Variants in LAMA5 observed in about 807,000 individuals in gnomAD.
The protein encoded by LAMA5 is laminin subunit alpha-5.
Under a neutral mutation model 433.4 loss-of-function variants are expected in LAMA5, and 260 were observed. The observed-to-expected ratio is 0.60, with a 90% confidence interval of 0.54 to 0.66. The LOEUF is 0.66. LAMA5 is among the 30% of genes least tolerant of loss of function. LAMA5 has a pLI of 0.00. For synonymous variants in LAMA5, 2,620 were observed against 2,226.6 expected (o/e 1.18, Z -4.97); for missense variants, 5,378 against 5,258.5 (o/e 1.02, Z -0.70).
chr20:62,362,209 A>C (rs1357623177), intron 2 of LAMA5, among the ~76,000 whole-genome samples, 191 bp downstream of exon 2: 1 of 152,178 alleles, frequency 6.6e-6, no homozygotes, highest in Non-Finnish European at 1.5e-5. Context: ...TGAAAGCACA[A>C]ACAAAAGGTG....
chr20:62,314,387 C>A lies in LAMA5; in HGVS notation c.8421G>T (p.Val2807=), dbSNP rs748950722. The A allele has an allele frequency of 6.2e-7, 1 of 1,613,468 alleles. No individual in the cohort carries two copies. The highest frequency in any genetic ancestry group is 8.5e-7 in the Non-Finnish European group (1 of 1,179,950). The part of the protein sequence containing the change: ...VSLRDKKVHW[V]YQLGEAGPAV... Reference sequence around the variant, plus strand: ...CAGGGCCCGCCTCACCCAGCTGATACACCCAGTGCACCTTCTTGTCACGCA... The same window carrying A: ...CAGGGCCCGCCTCACCCAGCTGATAAACCCAGTGCACCTTCTTGTCACGCA... Residue 2807 remains valine, a synonymous_variant, in exon 62 of 80, where the codon GTG becomes GTT. Transcript: ENST00000252999.
Position 62,322,279 on chromosome 20 carries a change from C to T in LAMA5, c.6336G>A (p.Gln2112=). The T allele has an allele frequency of 1.3e-6, 2 of 1,597,416 alleles. No homozygotes were observed. Among genetic ancestry groups the T allele is most frequent in the East Asian group, 2.3e-5 (1 of 44,288 alleles). The change falls in exon 47 of 80, where the codon CAG becomes CAA. Residue 2112 remains glutamine (Q), a synonymous_variant. Transcript: ENST00000252999. ...CAPGYWGLPE[Q]GCRRCQCPGG... is the part of the protein sequence containing the mutation. ...CCGGCCAGCACTCACGCCTGCAGCC[C>T]TGCTCAGGGAGCCCCCAGTAGCCAG...
At chr20:62,344,012 C>T (rs936654927) in intron 11 of LAMA5, among the ~76,000 whole-genome samples, 3 of 151,594 alleles carry the variant, frequency 2.0e-5, no homozygotes, top group African/African-American at 7.3e-5. Flanking sequence ...GGCTTAGTGG[C>T]GGATGCCTGT....
intron 16 of LAMA5, 178 bp from the exon 17 acceptor site, chr20:62,336,964 C>A: frequency 1.4e-6 from 1 of 705,914 alleles, no homozygotes. Flanking sequence ...CAGCAACGGA[C>A]GTGCCATCCC....
intron 38 of LAMA5, 121 bp downstream of exon 38, chr20:62,327,112 C>A (rs1979433596): frequency 8.7e-7 from 1 of 1,144,040 alleles, no homozygotes; most frequent in East Asian, 2.6e-5. Flanking sequence ...AGGGCCTGGG[C>A]ACCCTCACGG....
chr20:62,366,670 C>T (rs1239523258), intron 1 of LAMA5, among the ~76,000 whole-genome samples: 1 of 152,358 alleles, frequency 6.6e-6, no homozygotes. Context: ...CTGGGCCCGG[C>T]CCCCCTCCCG....
At position 62,310,083 on chromosome 20, in the gene LAMA5, TGGCGGGGTA is replaced by T; in HGVS notation, c.10735-11_10735-3del. ...TCCGTCATCCGCCCGCAGCAGGACC[TGGCGGGGTA>T]GGAAGGGAGGGTCAGGCTATGCCCC... On this transcript the variant is annotated splice_polypyrimidine_tract_variant and splice_region_variant and intron_variant, in intron 77 of 79. Transcript: ENST00000252999. 2 of 1,611,268 alleles carry T rather than the reference TGGCGGGGTA, an allele frequency of 1.2e-6. No homozygotes were observed. Among genetic ancestry groups the T allele is most frequent in the Non-Finnish European group, 1.7e-6 (2 of 1,179,752 alleles).
chr20:62,309,859 G>A (rs1297034913), intron 78 of LAMA5, 24 bp from the exon 79 acceptor site: 1 of 1,610,404 alleles, frequency 6.2e-7, no homozygotes, highest in Non-Finnish European at 8.5e-7. Flanking sequence ...GGACTCCTGA[G>A]GCCAGGTGGT....
chr20:62,337,228 T>C (rs1007939216), intron 16 of LAMA5, among the ~76,000 whole-genome samples: 4 of 151,764 alleles, frequency 2.6e-5, no homozygotes, highest in Non-Finnish European at 4.4e-5. Context: ...CGCGCCCACA[T>C]GCGACACGCA....
chr20:62,310,057 C>T lies in LAMA5; in HGVS notation c.10759G>A (p.Ala3587Thr). 6.2e-7 allele frequency: 1 copy of T among 1,611,378 alleles called. No individual in the cohort carries two copies. Among genetic ancestry groups the T allele is most frequent in the Non-Finnish European group, 8.5e-7 (1 of 1,179,750 alleles). The change falls in exon 78 of 80, where the codon GCA becomes ACA. Residue 3587 changes from alanine to threonine, a missense_variant. Transcript: ENST00000252999. ...GTCACTGACGTGGAGAACTCCCCTG[C>T]TCCGTCATCCGCCCGCAGCAGGACC... ...KQVLLRADDG[A>T]GEFSTSVTRP...
intron 11 of LAMA5, among the ~76,000 whole-genome samples, chr20:62,340,999 A>G (rs890733274): frequency 1.1e-4 from 16 of 152,010 alleles, no homozygotes; most frequent in African/African-American, 3.6e-4. Flanking sequence ...AGATCGTGCA[A>G]CTGGACGCCA....
In LAMA5 at chr20:62,334,171, G is replaced by A. The variant is rs776530155; in HGVS notation, c.2739+15C>T. 15 of 1,608,272 alleles carry A rather than the reference G, an allele frequency of 9.3e-6. No homozygotes were observed. The South Asian group carries it at 1.4e-4, about 15-fold the overall frequency. Reference sequence around the variant, plus strand: ...ACTTCTAGGCTGAGCCTGGGAGGGGGAGCACAGCGCCCACCTGGACAGGTG... The same window carrying A: ...ACTTCTAGGCTGAGCCTGGGAGGGGAAGCACAGCGCCCACCTGGACAGGTG... On this transcript the variant is annotated intron_variant, in intron 22 of 79. Transcript: ENST00000252999.
At chr20:62,348,504 G>A (rs1364297406) in intron 6 of LAMA5, among the ~76,000 whole-genome samples, 2 of 152,174 alleles carry the variant, frequency 1.3e-5, no homozygotes, top group East Asian at 1.9e-4. Context: ...CTACTCAGGA[G>A]GATGAGGCAG....
In LAMA5 at chr20:62,346,715, G is replaced by A. The variant is rs892697630; in HGVS notation, c.1158C>T (p.Thr386=). The change falls in exon 8 of 80, where the codon ACC becomes ACT. Residue 386 remains threonine (T), a synonymous_variant. Coordinates refer to ENST00000252999, the MANE Select transcript of LAMA5 (RefSeq NM_005560.6). ...CGATACAGACACCCCCACCCTGATAGGTGCCATCCAGGCTCTGGCTGGCGC... is the reference window on the plus strand; with the variant it reads ...CGATACAGACACCCCCACCCTGATAAGTGCCATCCAGGCTCTGGCTGGCGC... ...RRRASQSLDG[T]YQGGGVCIDC... The A allele has an allele frequency of 6.2e-7, 1 of 1,613,314 alleles. No homozygotes were observed. The highest frequency in any genetic ancestry group is 8.5e-7 in the Non-Finnish European group (1 of 1,179,902).
chr20:62,331,653 C>G (rs986506173), intron 28 of LAMA5, among the ~76,000 whole-genome samples: 3 of 152,240 alleles, frequency 2.0e-5, no homozygotes, highest in African/African-American at 7.2e-5. Context: ...ATGGGTGCTC[C>G]CTTTCCGTGC....
At chr20:62,331,472 G>A (rs1386676764) in intron 28 of LAMA5, among the ~76,000 whole-genome samples, 2 of 152,032 alleles carry the variant, frequency 1.3e-5, no homozygotes, top group Non-Finnish European at 2.9e-5. Context: ...CAGTTCCTGG[G>A]CCCACAGGCC....
chr20:62,324,287 C>A lies in LAMA5; in HGVS notation c.5644-83G>T. 6.5e-7 allele frequency: 1 copy of A among 1,535,764 alleles called. No individual in the cohort carries two copies. Among genetic ancestry groups the A allele is most frequent in the Non-Finnish European group, 8.8e-7 (1 of 1,138,746 alleles). On this transcript the variant is annotated intron_variant, in intron 42 of 79. Coordinates refer to ENST00000252999, the MANE Select transcript of LAMA5 (RefSeq NM_005560.6). The surrounding 1 kb of genome is among the most constrained non-coding windows in gnomAD (Gnocchi z 4.4). The stretch of plus-strand genomic sequence containing the variant: ...TGTGCAGCTCCCACCACCCCTGCCT[C>A]AGACTCTGTGCCCAAGGCCAGATGG...
In LAMA5 at chr20:62,319,802, A is replaced by T; in HGVS notation, c.6760-7T>A. On this transcript the variant is annotated splice_region_variant and splice_polypyrimidine_tract_variant and intron_variant, in intron 50 of 79. Coordinates refer to ENST00000252999, the MANE Select transcript of LAMA5 (RefSeq NM_005560.6). ...GGTCTCGGGTCCCCACGGCCTGTGG[A>T]GGAAGAGCCCACTAGCCCACGCTGC... 1 of 1,541,998 alleles carries T rather than the reference A, an allele frequency of 6.5e-7. No homozygotes were observed. The highest frequency in any genetic ancestry group is 8.7e-7 in the Non-Finnish European group (1 of 1,143,698).
At chr20:62,353,500 C>T (rs1170366835) in intron 2 of LAMA5, among the ~76,000 whole-genome samples, 2 of 152,200 alleles carry the variant, frequency 1.3e-5, no homozygotes, top group Admixed American at 1.3e-4. Flanking sequence ...TCGGGACCAA[C>T]GCGCTGCCTC....
Sources: allele counts gnomAD v4.1 joint callset (sites outside exome capture counted in the v4.1 genomes callset), GRCh38; gene constraint gnomAD v4.1.1; non-coding constraint Gnocchi (gnomAD v3.1); transcripts MANE v1.5; gene names NCBI Gene and HGNC (gene_info 2026-07-23, HGNC 2026-07-21).